Variants in DHRSX observed in about 807,000 individuals in gnomAD.
The protein encoded by DHRSX is polyprenol dehydrogenase.
In DHRSX, 31 loss-of-function variants were observed where a neutral mutation model predicts 34.0. That is an observed-to-expected ratio of 0.91 (90% CI 0.69 to 1.23). The LOEUF is 1.23. DHRSX is among the 50% of genes most tolerant of loss of function. The pLI is 0.00. For missense variants in DHRSX, 414 were observed against 428.1 expected (o/e 0.97, Z 0.29); for synonymous variants, 201 against 183.8 (o/e 1.09, Z -0.76).
At chrX:2,493,345 G>C (rs1388187721) in intron 1 of DHRSX, among the ~76,000 whole-genome samples, 1 of 152,018 alleles carries the variant, frequency 6.6e-6, no homozygotes, top group African/African-American at 2.4e-5. Flanking sequence ...TTATTATTTG[G>C]CTGAAACAGG....
chrX:2,456,533 G>A (rs1485009310), intron 1 of DHRSX, among the ~76,000 whole-genome samples: 1 of 146,394 alleles, frequency 6.8e-6, no homozygotes, highest in Middle Eastern at 3.4e-3. Context: ...AGAATGGCTT[G>A]AACACAGGAG....
intron 6 of DHRSX, among the ~76,000 whole-genome samples, chrX:2,230,994 C>T (rs1268261872): frequency 6.6e-6 from 1 of 152,136 alleles, no homozygotes; most frequent in Non-Finnish European, 1.5e-5. Context: ...TGCCGGGCTC[C>T]AGGAATGATC....
At chrX:2,318,647 G>T (rs1263132509) in intron 3 of DHRSX, among the ~76,000 whole-genome samples, 1 of 152,126 alleles carries the variant, frequency 6.6e-6, no homozygotes, top group Non-Finnish European at 1.5e-5. Flanking sequence ...GTCTAAAAAG[G>T]GGAGGAACCC....
chrX:2,422,507 C>T (rs1292539408), intron 2 of DHRSX, among the ~76,000 whole-genome samples: 2 of 152,244 alleles, frequency 1.3e-5, no homozygotes, highest in African/African-American at 4.8e-5. Flanking sequence ...GTGATCTGCC[C>T]GCCTCGGCTT....
intron 3 of DHRSX, among the ~76,000 whole-genome samples, chrX:2,361,180 G>C (rs147470350): frequency 6.6e-6 from 1 of 151,946 alleles, no homozygotes; most frequent in Non-Finnish European, 1.5e-5. Context: ...GTGCGATCTC[G>C]GCTCACTGCA....
intron 1 of DHRSX, among the ~76,000 whole-genome samples, chrX:2,480,533 AT>A (rs1422602377): frequency 1.4e-5 from 2 of 139,136 alleles, no homozygotes; most frequent in Non-Finnish European, 3.1e-5. Context: ...AAAAAAAAAA[AT>A]TAGCTGGGTA....
intron 1 of DHRSX, among the ~76,000 whole-genome samples, chrX:2,477,413 CAT>C (rs2044696735): frequency 6.6e-6 from 1 of 152,158 alleles, no homozygotes; most frequent in Non-Finnish European, 1.5e-5. Context: ...ACAGGGACAA[CAT>C]GTGGGATGCA....
chrX:2,323,047 CTGAG>C lies in DHRSX; in HGVS notation c.287-31448_287-31445del, dbSNP rs765044561. On this transcript the variant is annotated intron_variant, in intron 3 of 6. Coordinates refer to ENST00000334651, the MANE Select transcript of DHRSX (RefSeq NM_145177.3). ...CAAGCGATTCTCCTGCCTCAGCCTC[CTGAG>C]TATCTGGGATTACAGGCGCCACACC... Among the ~76,000 whole-genome samples, 33 of 122,960 alleles carry C rather than the reference CTGAG, an allele frequency of 2.7e-4. No homozygotes were observed. The East Asian group carries it at 6.0e-3, about 23-fold the overall frequency. 80.7% of individuals were successfully genotyped at this position (122,960 alleles called of 152,430 possible).
chrX:2,488,833 G>A (rs768286242), intron 1 of DHRSX: 3 of 1,613,826 alleles, frequency 1.9e-6, no homozygotes, highest in South Asian at 1.1e-5. Flanking sequence ...TCTTGGCGCT[G>A]ACCACGTTGG....
At chrX:2,294,174 TGAGA>T in intron 3 of DHRSX, among the ~76,000 whole-genome samples, 1 of 142,542 alleles carries the variant, frequency 7.0e-6, no homozygotes, top group South Asian at 2.3e-4. Flanking sequence ...AGAGACACAG[TGAGA>T]GAGAGAAACA....
At chrX:2,312,573 G>A (rs963442424) in intron 3 of DHRSX, among the ~76,000 whole-genome samples, 14 of 152,066 alleles carry the variant, frequency 9.2e-5, no homozygotes, top group African/African-American at 1.7e-4. Flanking sequence ...GGGGTCTTTC[G>A]GGGACTGGGG....
chrX:2,339,339 A>G (rs1331730022), intron 3 of DHRSX, among the ~76,000 whole-genome samples: 1 of 151,864 alleles, frequency 6.6e-6, no homozygotes, highest in African/African-American at 2.4e-5. Context: ...GGGTTTCACC[A>G]TGTTGGCCAG....
intron 1 of DHRSX, among the ~76,000 whole-genome samples, chrX:2,469,155 T>C (rs975366745): frequency 2.6e-5 from 4 of 151,936 alleles, no homozygotes; most frequent in African/African-American, 9.7e-5. Flanking sequence ...CACCACCATG[T>C]ACACACCGAA....
At chrX:2,312,395 T>TA in intron 3 of DHRSX, among the ~76,000 whole-genome samples, 2 of 151,958 alleles carry the variant, frequency 1.3e-5, no homozygotes, top group East Asian at 3.9e-4. Context: ...TATGCAGCCA[T>TA]AAAAAAGGAT....
chrX:2,472,525 T>C (rs1179930094), intron 1 of DHRSX, among the ~76,000 whole-genome samples: 1 of 152,074 alleles, frequency 6.6e-6, no homozygotes, highest in Non-Finnish European at 1.5e-5. Context: ...ATCCCAGCAC[T>C]TTGGGAGGCC....
intron 3 of DHRSX, among the ~76,000 whole-genome samples, chrX:2,379,202 A>T (rs1205850483): frequency 1.3e-5 from 2 of 152,220 alleles, no homozygotes; most frequent in Non-Finnish European, 2.9e-5. Context: ...CCTGTAAATG[A>T]ATGTGTGGCA....
At chrX:2,238,662 C>A (rs1285984833) in intron 6 of DHRSX, among the ~76,000 whole-genome samples, 1 of 151,348 alleles carries the variant, frequency 6.6e-6, no homozygotes, top group Non-Finnish European at 1.5e-5. Context: ...CGGCTTACTG[C>A]AACCTCCGCC....
At chrX:2,293,252 T>TG (rs1173454864) in intron 3 of DHRSX, among the ~76,000 whole-genome samples, 4 of 98,814 alleles carry the variant, frequency 4.0e-5, no homozygotes, top group Non-Finnish European at 9.9e-5. Flanking sequence ...GTGTTAAAGC[T>TG]GTTTTTTTTT....
At chrX:2,447,379 C>T (rs1006335529) in intron 1 of DHRSX, among the ~76,000 whole-genome samples, 15 of 152,062 alleles carry the variant, frequency 9.9e-5, no homozygotes, top group African/African-American at 3.6e-4. Flanking sequence ...ACCAAGGGAC[C>T]AACGCCGTAT....
Sources: gnomAD v4.1 joint callset for allele counts (sites outside exome capture counted in the v4.1 genomes callset) on GRCh38, gnomAD v4.1.1 for gene constraint, MANE v1.5 for transcripts, NCBI Gene and HGNC (gene_info 2026-07-23, HGNC 2026-07-21) for gene names.